AHCYL2: variants seen among roughly 807,000 people sequenced by gnomAD.
The protein encoded by AHCYL2 is adenosylhomocysteinase like 2, also known as S-adenosylhomocysteine hydrolase-like protein 2.
AHCYL2 carries 28 observed loss-of-function variants against 81.4 expected under a neutral mutation model. The ratio of observed to expected loss-of-function variants is 0.34; its 90% CI spans 0.25 to 0.47. The LOEUF (loss-of-function observed/expected upper bound fraction) is 0.47. Among genes scored for constraint, AHCYL2 ranks in the 20% least tolerant of loss-of-function variants. The pLI is 1.00. For synonymous variants in AHCYL2, 272 were observed against 290.2 expected (o/e 0.94, Z 0.64); for missense variants, 551 against 785.1 (o/e 0.70, Z 3.56).
At chr7:129,239,907 A>G (rs954551112) in intron 1 of AHCYL2, among the ~76,000 whole-genome samples, 2 of 151,924 alleles carry the variant, frequency 1.3e-5, no homozygotes, top group Non-Finnish European at 2.9e-5. Context: ...TCCCACACAC[A>G]GAGACCCCAT....
At chr7:129,424,780 G>A (rs1584916191) in intron 13 of AHCYL2, 94 bp from the exon 14 acceptor site, 2 of 1,346,986 alleles carry the variant, frequency 1.5e-6, no homozygotes, top group East Asian at 4.6e-5. Flanking sequence ...GTCAGGAAGT[G>A]TTTGGAAAAT....
chr7:129,283,587 TAA>T (rs1796525855), intron 1 of AHCYL2, among the ~76,000 whole-genome samples: 1 of 152,200 alleles, frequency 6.6e-6, no homozygotes, highest in South Asian at 2.1e-4. Context: ...ACTTTAAAAT[TAA>T]GTTTCACCTT....
chr7:129,276,193 G>A (rs757324270), intron 1 of AHCYL2, among the ~76,000 whole-genome samples: 1 of 151,886 alleles, frequency 6.6e-6, no homozygotes, highest in African/African-American at 2.4e-5. Flanking sequence ...TAAATACTGT[G>A]TATCAGAATT....
Position 129,324,705 on chromosome 7 carries a change from C to T in AHCYL2, c.364-54933C>T, listed in dbSNP as rs538918932. 1.2e-4 allele frequency among the ~76,000 whole-genome samples: 19 copies of T among 152,022 alleles called. No individual in the cohort carries two copies. In the South Asian group the frequency reaches 1.7e-3, roughly 13 times the overall value. ...TAATTTTTTGTGTTTTTAGTAGAGA[C>T]GGGGTTTCACCGTGTTAGCCAGGAT... On this transcript the variant is annotated intron_variant, in intron 1 of 16. Coordinates refer to ENST00000325006, the MANE Select transcript of AHCYL2 (RefSeq NM_015328.4).
At chr7:129,267,760 G>C (rs991899409) in intron 1 of AHCYL2, among the ~76,000 whole-genome samples, 1 of 152,172 alleles carries the variant, frequency 6.6e-6, no homozygotes, top group African/African-American at 2.4e-5. Flanking sequence ...AGAAAAGAGG[G>C]AATCTTGTGG....
In AHCYL2 at chr7:129,409,536, T is replaced by A; in HGVS notation, c.1356T>A (p.Ile452=). The A allele has an allele frequency of 6.2e-7, 1 of 1,613,094 alleles. No individual in the cohort carries two copies. Reference sequence around the variant, plus strand: ...TCATCCGACAAGTGGACATTGTTATTACCTGTACAGGTATGATAATGACAT... The same window carrying A: ...TCATCCGACAAGTGGACATTGTTATAACCTGTACAGGTATGATAATGACAT... ...NEVIRQVDIV[I]TCTGNKNVVT... Residue 452 remains isoleucine, a synonymous_variant, in exon 11 of 17, where the codon ATT becomes ATA. Coordinates refer to ENST00000325006, the MANE Select transcript of AHCYL2 (RefSeq NM_015328.4).
At chr7:129,381,028 C>T (rs1476283219) in intron 2 of AHCYL2, among the ~76,000 whole-genome samples, 1 of 152,126 alleles carries the variant, frequency 6.6e-6, no homozygotes, top group Non-Finnish European at 1.5e-5. Flanking sequence ...TGAGCCACTG[C>T]GCCAGGCCAG....
chr7:129,427,015 T>C lies in AHCYL2; in HGVS notation c.1830-24T>C, dbSNP rs1266750505. 6.2e-7 allele frequency: 1 copy of C among 1,609,514 alleles called. No homozygotes were observed. Among genetic ancestry groups the C allele is most frequent in the African/African-American group, 1.3e-5 (1 of 74,750 alleles). Reference sequence around the variant, plus strand: ...TCCCCATTAGCTGATAACATCACAGTCTCATCTTTCTTTTTCCCTCCAGGT... The same window carrying C: ...TCCCCATTAGCTGATAACATCACAGCCTCATCTTTCTTTTTCCCTCCAGGT... On this transcript the variant is annotated intron_variant, in intron 16 of 16. Coordinates refer to ENST00000325006, the MANE Select transcript of AHCYL2 (RefSeq NM_015328.4). The surrounding 1 kb of genome is among the most constrained non-coding windows in gnomAD (Gnocchi z 5.5).
intron 1 of AHCYL2, among the ~76,000 whole-genome samples, chr7:129,316,467 G>A (rs142567529): frequency 3.3e-5 from 5 of 152,222 alleles, no homozygotes; most frequent in East Asian, 1.9e-4. Context: ...TGGGTGATTC[G>A]GGTGCCTTCA....
chr7:129,264,364 A>G (rs1312303567), intron 1 of AHCYL2, among the ~76,000 whole-genome samples: 3 of 152,202 alleles, frequency 2.0e-5, no homozygotes, highest in Non-Finnish European at 4.4e-5. Context: ...TCTGTGGAAC[A>G]TCTAAGTGGA....
chr7:129,272,938 G>A (rs1307645619), intron 1 of AHCYL2, among the ~76,000 whole-genome samples: 1 of 151,980 alleles, frequency 6.6e-6, no homozygotes, highest in Non-Finnish European at 1.5e-5. Flanking sequence ...TTTTGAGATA[G>A]TTTTTCTGTC....
intron 1 of AHCYL2, among the ~76,000 whole-genome samples, chr7:129,231,142 G>T (rs1225943675): frequency 6.6e-6 from 1 of 151,978 alleles, no homozygotes; most frequent in South Asian, 2.1e-4. Flanking sequence ...TGAGGCAGGA[G>T]AATCACTTGA....
chr7:129,374,021 A>T (rs189198618), intron 1 of AHCYL2, among the ~76,000 whole-genome samples: 110 of 152,328 alleles, frequency 7.2e-4, no homozygotes, highest in African/African-American at 2.5e-3. Context: ...TTATATAATT[A>T]GGTGTTTTAG....
At chr7:129,245,582 T>TAA in intron 1 of AHCYL2, among the ~76,000 whole-genome samples, 1 of 151,956 alleles carries the variant, frequency 6.6e-6, no homozygotes, top group East Asian at 1.9e-4. Context: ...TCTAGGTACC[T>TAA]TATATAAGTA....
chr7:129,307,381 C>T lies in AHCYL2; in HGVS notation c.364-72257C>T, dbSNP rs1404721370. On this transcript the variant is annotated intron_variant, in intron 1 of 16. Transcript: ENST00000325006. ...AGGCAGAGGAGTCTCTTCCCATGTC[C>T]ACCACCACCACCACAGGCCTATGAG... Among the ~76,000 whole-genome samples, 3 of 151,926 alleles carry T rather than the reference C, an allele frequency of 2.0e-5. No individual in the cohort carries two copies. In the East Asian group the frequency reaches 5.8e-4, roughly 29 times the overall value.
rs569231782 is a variant in AHCYL2 at position 129,340,258 on chromosome 7, C to T, written c.364-39380C>T. On this transcript the variant is annotated intron_variant, in intron 1 of 16. Coordinates refer to ENST00000325006, the MANE Select transcript of AHCYL2 (RefSeq NM_015328.4). The stretch of plus-strand genomic sequence containing the variant: ...GTTCTTTATGACTTTCTGTCCTGAT[C>T]TGCCAGTTTAAAAAAAATAGTTTTT... Among the ~76,000 whole-genome samples, 12 of 149,256 alleles carry T rather than the reference C, an allele frequency of 8.0e-5. 1 individual carries two copies. Among genetic ancestry groups the T allele is most frequent in the African/African-American group, 2.9e-4 (12 of 40,800 alleles).
chr7:129,297,841 T>C (rs1038147847), intron 1 of AHCYL2, among the ~76,000 whole-genome samples: 4 of 151,898 alleles, frequency 2.6e-5, no homozygotes, highest in South Asian at 2.1e-4. Context: ...CTGGACAACA[T>C]AGGGAGAGCC....
intron 1 of AHCYL2, among the ~76,000 whole-genome samples, chr7:129,378,852 C>T (rs1405408132): frequency 6.6e-6 from 1 of 152,120 alleles, no homozygotes; most frequent in Non-Finnish European, 1.5e-5. Flanking sequence ...CTGAAATATT[C>T]TTTCCAGTTT....
rs559857706 is a variant in AHCYL2 at position 129,378,162 on chromosome 7, A to G, written c.364-1476A>G. ...CCCCGTCTCTACTAAAAATACAAAA[A>G]TTAGCTGGGCATGGTGGCACACACC... On this transcript the variant is annotated intron_variant, in intron 1 of 16. Transcript: ENST00000325006. Among the ~76,000 whole-genome samples, 525 of 152,204 alleles carry G rather than the reference A, an allele frequency of 3.4e-3. 5 individuals carry two copies. Among genetic ancestry groups the G allele is most frequent in the Non-Finnish European group, 5.1e-3 (345 of 67,982 alleles).
Sources: allele counts gnomAD v4.1 joint callset (sites outside exome capture counted in the v4.1 genomes callset), GRCh38; gene constraint gnomAD v4.1.1; non-coding constraint Gnocchi (gnomAD v3.1); transcripts MANE v1.5; gene names NCBI Gene and HGNC (gene_info 2026-07-23, HGNC 2026-07-21).